SPINDOC: variants seen among roughly 807,000 people sequenced by gnomAD.
SPINDOC encodes spindlin interactor and repressor of chromatin binding, also known as spindlin interactor and repressor of chromatin-binding protein.
Under a neutral mutation model 30.7 loss-of-function variants are expected in SPINDOC, and 13 were observed. That is an observed-to-expected ratio of 0.42 (90% confidence interval 0.28 to 0.67). The LOEUF is 0.67. Ranked by LOEUF, SPINDOC falls within the 30% of genes least tolerant of loss-of-function variation. SPINDOC has a pLI of 0.22. For synonymous variants in SPINDOC, 228 were observed against 211.4 expected, an observed-to-expected ratio of 1.08 and a Z score of -0.68; for missense variants, 438 against 518.0, an observed-to-expected ratio of 0.85 and a Z score of 1.50.
chr11:63,813,911 C>G (rs770149490), intron 1 of SPINDOC, 98 bp downstream of exon 1: 11 of 1,365,470 alleles, frequency 8.1e-6, no homozygotes, highest in Non-Finnish European at 1.0e-5. Context: ...CACCTTCTCA[C>G]CCCCTTCAGC....
chr11:63,815,647 G>A (rs2015319179), intron 1 of SPINDOC, among the ~76,000 whole-genome samples: 1 of 152,200 alleles, frequency 6.6e-6, no homozygotes, highest in Non-Finnish European at 1.5e-5. Context: ...TCCAGTGATG[G>A]CAGGTTGGAG....
chr11:63,826,398 G>C (rs1275008367), intron 5 of SPINDOC, among the ~76,000 whole-genome samples: 1 of 152,166 alleles, frequency 6.6e-6, no homozygotes, highest in African/African-American at 2.4e-5. Flanking sequence ...TGGTCTTGGT[G>C]ATGTAGGTGT....
Position 63,818,694 on chromosome 11 carries a change from T to C in SPINDOC, c.733+42T>C. The C allele has an allele frequency of 6.2e-7, 1 of 1,612,162 alleles. No individual in the cohort carries two copies. Among genetic ancestry groups the C allele is most frequent in the Non-Finnish European group, 8.5e-7 (1 of 1,179,468 alleles). On this transcript the variant is annotated intron_variant, in intron 4 of 5. Transcript: ENST00000294244. The surrounding 1 kb of genome is among the most constrained non-coding windows in gnomAD (Gnocchi z 5.3). ...GGGGAGGCGTGGGCTCTGGCCGCAG[T>C]GCTCTGAGGAAATCCGCATCAGTGA... is the stretch of plus-strand genomic sequence containing the variant.
chr11:63,814,311 C>T (rs959055175), intron 1 of SPINDOC, among the ~76,000 whole-genome samples: 1 of 152,256 alleles, frequency 6.6e-6, no homozygotes, highest in Non-Finnish European at 1.5e-5. Flanking sequence ...ATAACGCTTC[C>T]CTGCCCACCA....
At position 63,818,946 on chromosome 11, in the gene SPINDOC, C is replaced by T. The variant is rs574860842; in HGVS notation, c.878C>T (p.Pro293Leu). The T allele has an allele frequency of 4.8e-5, 78 of 1,614,030 alleles. No individual in the cohort carries two copies. Among genetic ancestry groups the T allele is most frequent in the Non-Finnish European group, 6.4e-5 (76 of 1,180,042 alleles). ...QLRGPDSKDSPKDREVAEGGL... is the reference protein window; with the variant it reads ...QLRGPDSKDSLKDREVAEGGL... ...AGGGGCCCAGACAGCAAGGACTCAC[C>T]CAAAGACAGGGAAGTGGCAGAAGGA... is the stretch of plus-strand genomic sequence containing the variant. Residue 293 changes from proline (P) to leucine (L), a missense_variant, in exon 5 of 6, where the codon CCC (proline) becomes CTC (leucine). Transcript: ENST00000294244. The surrounding 1 kb of genome is among the most constrained non-coding windows in gnomAD (Gnocchi z 5.3).
In SPINDOC at chr11:63,813,812, A is replaced by T; in HGVS notation, c.126A>T (p.Arg42Ser). Residue 42 changes from arginine to serine, a missense_variant and splice_region_variant, in exon 1 of 6, where the codon AGA becomes AGT. Physicochemically the swap from Arg to Ser is moderately radical, Grantham distance 110. Coordinates refer to ENST00000294244, the MANE Select transcript of SPINDOC (RefSeq NM_138471.3). Reference sequence around the variant, plus strand: ...TTCCGCGGCCCGAGCCGATGCTCAGAGGTGAGGATGGAGGGGATTCCACTT... The same window carrying T: ...TTCCGCGGCCCGAGCCGATGCTCAGTGGTGAGGATGGAGGGGATTCCACTT... ...AVIPRPEPML[R>S]VTQQEKTPPP... 6.4e-7 allele frequency: 1 copy of T among 1,564,624 alleles called. No homozygotes were observed. The highest frequency in any genetic ancestry group is 1.4e-5 in the African/African-American group (1 of 71,508).
At chr11:63,823,120 A>C in intron 5 of SPINDOC, 3 of 1,287,874 alleles carry the variant, frequency 2.3e-6, no homozygotes, top group East Asian at 5.6e-5. Context: ...TTGTCCCCCA[A>C]AATTCTGTGT....
intron 5 of SPINDOC, among the ~76,000 whole-genome samples, chr11:63,819,881 T>C (rs1042968378): frequency 2.0e-5 from 3 of 152,232 alleles, no homozygotes; most frequent in Non-Finnish European, 2.9e-5. Flanking sequence ...AGCCTGATAC[T>C]GATTTCCACA....
chr11:63,818,335 C>G lies in SPINDOC; in HGVS notation c.577C>G (p.Pro193Ala), dbSNP rs1384180479. ...CCCATCCCTCCCTAAAAGGAGCCGG[C>G]CCAGGGGACTCCGCCCCCTCGAGCT... is the stretch of plus-strand genomic sequence containing the variant. The part of the protein sequence containing the change: ...DNPSLPKRSR[P>A]RGLRPLELPA... Residue 193 changes from proline (P) to alanine (A), a missense_variant, in exon 3 of 6, where the codon CCC (proline) becomes GCC (alanine). Coordinates refer to ENST00000294244, the MANE Select transcript of SPINDOC (RefSeq NM_138471.3). This position sits in a 1 kb window ranked among gnomAD's most constrained non-coding sequence, Gnocchi z 5.3. 6.2e-7 allele frequency: 1 copy of G among 1,613,968 alleles called. No individual in the cohort carries two copies. Among genetic ancestry groups the G allele is most frequent in the Non-Finnish European group, 8.5e-7 (1 of 1,179,986 alleles).
In SPINDOC at chr11:63,818,820, C is replaced by T. The variant is rs770549168; in HGVS notation, c.752C>T (p.Ser251Leu). 4.3e-6 allele frequency: 7 copies of T among 1,613,884 alleles called. No homozygotes were observed. The highest frequency in any genetic ancestry group is 1.7e-5 in the Admixed American group (1 of 60,022). The change falls in exon 5 of 6, where the codon TCG (serine) becomes TTG (leucine). Residue 251 changes from serine to leucine, a missense_variant. Coordinates refer to ENST00000294244, the MANE Select transcript of SPINDOC (RefSeq NM_138471.3). This position sits in a 1 kb window ranked among gnomAD's most constrained non-coding sequence, Gnocchi z 5.3. ...CTTCCAGAGCCCCCATCGCCAGACT[C>T]GCCCACGGAGACTTTCGCAGCACCA... ...DPDPEPPSPD[S>L]PTETFAAPAE...
At chr11:63,815,485 T>C (rs2015314391) in intron 1 of SPINDOC, among the ~76,000 whole-genome samples, 1 of 152,190 alleles carries the variant, frequency 6.6e-6, no homozygotes, top group Non-Finnish European at 1.5e-5. Context: ...ATTTATGACA[T>C]ATTCAGGTGG....
At chr11:63,817,573 T>C (rs145930694) in intron 1 of SPINDOC, among the ~76,000 whole-genome samples, 40 of 152,060 alleles carry the variant, frequency 2.6e-4, no homozygotes, top group Admixed American at 3.9e-4. Context: ...AGTCCTAAGG[T>C]CCAAGACTAG....
chr11:63,816,753 C>T (rs902630992), intron 1 of SPINDOC, among the ~76,000 whole-genome samples: 1 of 152,178 alleles, frequency 6.6e-6, no homozygotes, highest in Non-Finnish European at 1.5e-5. Context: ...GGGTGATGCC[C>T]TGTGAAAGCT....
At position 63,818,317 on chromosome 11, in the gene SPINDOC, C is replaced by G; in HGVS notation, c.559C>G (p.Leu187Val). Residue 187 changes from leucine (L) to valine (V), a missense_variant, in exon 3 of 6, where the codon CTC (leucine) becomes GTC (valine). Transcript: ENST00000294244. The surrounding 1 kb of genome is among the most constrained non-coding windows in gnomAD (Gnocchi z 5.3). Reference protein sequence around the residue: ...VLLDSEDNPSLPKRSRPRGLR... With the variant: ...VLLDSEDNPSVPKRSRPRGLR... ...CCTTGACTCTGAGGATAACCCATCC[C>G]TCCCTAAAAGGAGCCGGCCCAGGGG... The G allele has an allele frequency of 1.2e-6, 2 of 1,614,042 alleles. No homozygotes were observed. The highest frequency in any genetic ancestry group is 1.7e-6 in the Non-Finnish European group (2 of 1,180,020).
At chr11:63,823,865 T>C (rs982618725) in intron 5 of SPINDOC, among the ~76,000 whole-genome samples, 1 of 151,788 alleles carries the variant, frequency 6.6e-6, no homozygotes, top group Non-Finnish European at 1.5e-5. Context: ...CCCAAAATGC[T>C]GGGATTACAG....
chr11:63,823,333 G>A (rs1250087979), intron 5 of SPINDOC: 1 of 1,184,062 alleles, frequency 8.4e-7, no homozygotes, highest in Non-Finnish European at 1.1e-6. Flanking sequence ...GTTCTCTGAA[G>A]ACTTTATTTA....
Position 63,827,403 on chromosome 11 carries a change from A to AC in SPINDOC, c.*269dup, listed in dbSNP as rs564789188. 3.7e-6 allele frequency: 2 copies of AC among 539,810 alleles called. No individual in the cohort carries two copies. The highest frequency in any genetic ancestry group is 2.2e-5 in the South Asian group (1 of 46,020). 33.4% of individuals were successfully genotyped at this position (539,810 alleles called of 1,614,324 possible). A position where few individuals can be genotyped will look rare whatever the true frequency, so the allele number is the denominator to read the frequency against. Reference sequence around the variant, plus strand: ...GAACACCTACCCCAGTCCTTCGCTGACCCCCACCTCTGTTTGTCCCCCATG... The same window carrying AC: ...GAACACCTACCCCAGTCCTTCGCTGACCCCCCACCTCTGTTTGTCCCCCATG... On this transcript the variant is annotated 3_prime_UTR_variant, in exon 6 of 6. Coordinates refer to ENST00000294244, the MANE Select transcript of SPINDOC (RefSeq NM_138471.3).
intron 5 of SPINDOC, among the ~76,000 whole-genome samples, chr11:63,822,356 T>TAAAAAAAAAAAAAAAAA (rs753315518): frequency 1.9e-4 from 11 of 58,816 alleles, no homozygotes; most frequent in African/African-American, 6.0e-4. Context: ...CTAGACTGTC[T>TAAAAAAAAAAAAAAAAA]AAAAAAAAAA....
At chr11:63,824,978 C>T (rs1233279277) in intron 5 of SPINDOC, among the ~76,000 whole-genome samples, 1 of 152,166 alleles carries the variant, frequency 6.6e-6, no homozygotes, top group Admixed American at 6.5e-5. Context: ...TCAGAGCTCA[C>T]ACTGCTGTCA....
Sources: gnomAD v4.1 joint callset for allele counts (sites outside exome capture counted in the v4.1 genomes callset) on GRCh38, gnomAD v4.1.1 for gene constraint, Gnocchi (gnomAD v3.1) non-coding constraint, MANE v1.5 for transcripts, NCBI Gene and HGNC (gene_info 2026-07-23, HGNC 2026-07-21) for gene names.